UNC13C: variants seen among roughly 807,000 people sequenced by gnomAD.
UNC13C encodes unc-13 homolog C, also known as protein unc-13 homolog C.
In UNC13C, 174 loss-of-function variants were observed where a neutral mutation model predicts 245.4. The observed-to-expected ratio is 0.71, with a 90% CI of 0.63 to 0.80. The LOEUF (loss-of-function observed/expected upper bound fraction) is 0.80. Ranked by LOEUF, UNC13C falls within the 30% of genes least tolerant of loss-of-function variation. UNC13C has a pLI of 0.00. For missense variants in UNC13C, 2,829 were observed against 2,602.9 expected (o/e 1.09, Z -1.89); for synonymous variants, 992 against 895.1 (o/e 1.11, Z -1.93).
At chr15:54,318,115 C>T (rs2038056967) in intron 13 of UNC13C, among the ~76,000 whole-genome samples, 1 of 151,924 alleles carries the variant, frequency 6.6e-6, no homozygotes, top group South Asian at 2.1e-4. Context: ...ACCATATTTT[C>T]TTTATCCATT....
intron 10 of UNC13C, among the ~76,000 whole-genome samples, chr15:54,273,347 C>G (rs764817659): frequency 1.1e-4 from 17 of 152,106 alleles, no homozygotes; most frequent in Non-Finnish European, 2.2e-4. Flanking sequence ...CACTGTGTCC[C>G]TATCTCCCTC....
chr15:54,188,512 G>A (rs938756891), intron 4 of UNC13C, among the ~76,000 whole-genome samples: 2 of 152,000 alleles, frequency 1.3e-5, no homozygotes, highest in African/African-American at 4.8e-5. Flanking sequence ...ATTCATTAGC[G>A]AAGTGGGACG....
chr15:54,069,993 C>T (rs762591957), intron 2 of UNC13C, among the ~76,000 whole-genome samples: 3 of 152,282 alleles, frequency 2.0e-5, no homozygotes, highest in African/African-American at 4.8e-5. Context: ...GTTAACCTTC[C>T]GTTTTATAAT....
intron 2 of UNC13C, among the ~76,000 whole-genome samples, chr15:54,120,232 T>C (rs2030572371): frequency 6.6e-6 from 1 of 152,136 alleles, no homozygotes; most frequent in East Asian, 1.9e-4. Flanking sequence ...ATTCTCTTAT[T>C]AGGAGTTAAT....
At chr15:54,072,841 C>T (rs1898395275) in intron 2 of UNC13C, among the ~76,000 whole-genome samples, 1 of 151,910 alleles carries the variant, frequency 6.6e-6, no homozygotes, top group South Asian at 2.1e-4. Context: ...ACGTTGCCAA[C>T]AATTCAAACT....
the UNC13C span, among the ~76,000 whole-genome samples, chr15:53,966,212 C>A: frequency 6.6e-6 from 1 of 152,120 alleles, no homozygotes; most frequent in African/African-American, 2.4e-5. Flanking sequence ...AGTAGTTGAA[C>A]CTACTGGCTT....
chr15:54,614,453 A>G (rs975499596), intron 30 of UNC13C, among the ~76,000 whole-genome samples: 18 of 152,068 alleles, frequency 1.2e-4, no homozygotes, highest in Non-Finnish European at 2.6e-4. Flanking sequence ...TGTAGCTGTT[A>G]TATTACAAGA....
rs770296524 is a variant in UNC13C at position 54,014,538 on chromosome 15, A to T, written c.1635A>T (p.Lys545Asn). ...CACAGAGTGATTTTTTCACTGCTAA[A>T]CTTAGTCGTTCTGAATCAGATTTTT... ...WHSQSDFFTA[K>N]LSRSESDFSK... The change falls in exon 2 of 33, where the codon AAA (lysine) becomes AAT (asparagine). Residue 545 changes from lysine to asparagine, a missense_variant. Transcript: ENST00000260323. The T allele has an allele frequency of 1.4e-5, 23 of 1,613,720 alleles. No individual in the cohort carries two copies. The East Asian group carries it at 5.1e-4, about 36-fold the overall frequency.
At chr15:54,342,168 C>T (rs774406550) in intron 17 of UNC13C, among the ~76,000 whole-genome samples, 2 of 151,900 alleles carry the variant, frequency 1.3e-5, no homozygotes, top group African/African-American at 4.8e-5. Flanking sequence ...TCTTGGTTTT[C>T]TTGTCTGTTA....
intron 2 of UNC13C, among the ~76,000 whole-genome samples, chr15:54,142,500 T>C (rs1302042198): frequency 1.3e-5 from 2 of 152,208 alleles, no homozygotes; most frequent in Non-Finnish European, 2.9e-5. Context: ...AACTCTATGA[T>C]ATGAGAAGCC....
intron 2 of UNC13C, among the ~76,000 whole-genome samples, chr15:54,024,265 C>T (rs1460999597): frequency 6.6e-6 from 1 of 152,144 alleles, no homozygotes; most frequent in Non-Finnish European, 1.5e-5. Context: ...TGGATAGGCT[C>T]TCAACATCCC....
chr15:54,264,505 C>G (rs2036505030), intron 9 of UNC13C, 110 bp downstream of exon 9: 3 of 875,388 alleles, frequency 3.4e-6, no homozygotes, highest in Non-Finnish European at 5.2e-6. Flanking sequence ...TTTTTTGAAT[C>G]ATGTTAATAT....
At chr15:54,181,029 G>A (rs1380329573) in intron 4 of UNC13C, among the ~76,000 whole-genome samples, 6 of 151,820 alleles carry the variant, frequency 4.0e-5, no homozygotes, top group Non-Finnish European at 7.4e-5. Flanking sequence ...TGTTTATGTT[G>A]TAAAATTGCT....
intron 2 of UNC13C, among the ~76,000 whole-genome samples, chr15:54,099,425 C>A (rs1235032081): frequency 6.6e-6 from 1 of 152,286 alleles, no homozygotes; most frequent in South Asian, 2.1e-4. Flanking sequence ...GCTGGCCATG[C>A]ATCTCAAGGT....
chr15:54,258,517 C>A (rs1336164638), intron 8 of UNC13C, among the ~76,000 whole-genome samples: 1 of 152,060 alleles, frequency 6.6e-6, no homozygotes, highest in East Asian at 1.9e-4. Context: ...ATGTGCACCA[C>A]CACATCCGGC....
chr15:54,055,188 A>T (rs941662746), intron 2 of UNC13C, among the ~76,000 whole-genome samples: 7 of 152,194 alleles, frequency 4.6e-5, no homozygotes, highest in African/African-American at 1.2e-4. Context: ...AATACCTCTC[A>T]TGCCTAAATC....
At chr15:54,273,485 CT>C (rs1260981074) in intron 10 of UNC13C, among the ~76,000 whole-genome samples, 1 of 152,164 alleles carries the variant, frequency 6.6e-6, no homozygotes, top group Non-Finnish European at 1.5e-5. Context: ...TTTCCCAACT[CT>C]AGCACTCAGT....
chr15:54,374,831 C>A (rs540163353), intron 17 of UNC13C, among the ~76,000 whole-genome samples: 4 of 152,352 alleles, frequency 2.6e-5, no homozygotes, highest in South Asian at 4.1e-4. Context: ...ACAGCCTCTC[C>A]AGATGGGCTG....
intron 2 of UNC13C, among the ~76,000 whole-genome samples, chr15:54,076,613 T>C (rs1006964595): frequency 8.2e-6 from 1 of 122,416 alleles, no homozygotes; most frequent in Non-Finnish European, 2.0e-5. Flanking sequence ...GGAAATAGAA[T>C]AGGAGGTTGC....
Sources: gnomAD v4.1 joint callset for allele counts (sites outside exome capture counted in the v4.1 genomes callset) on GRCh38, gnomAD v4.1.1 for gene constraint, MANE v1.5 for transcripts, NCBI Gene and HGNC (gene_info 2026-07-23, HGNC 2026-07-21) for gene names.